DLGAP2: variants seen among roughly 807,000 people sequenced by gnomAD.
DLGAP2 encodes disks large-associated protein 2.
Under a neutral mutation model 100.3 loss-of-function variants are expected in DLGAP2, and 26 were observed. The ratio of observed to expected loss-of-function variants is 0.26; its 90% CI spans 0.19 to 0.36. The LOEUF (loss-of-function observed/expected upper bound fraction) is 0.36, where lower values mean the gene tolerates loss of function less well. Ranked by LOEUF, DLGAP2 falls within the 10% of genes least tolerant of loss-of-function variation. The pLI, the probability that DLGAP2 is intolerant of heterozygous loss-of-function variation, is 1.00. For missense variants in DLGAP2, 1,858 were observed against 1,453.2 expected (o/e 1.28, Z -4.53); for synonymous variants, 886 against 630.1 (o/e 1.41, Z -6.08).
chr8:1,277,731 C>A (rs1585216651), intron 3 of DLGAP2, among the ~76,000 whole-genome samples: 1 of 152,266 alleles, frequency 6.6e-6, no homozygotes, highest in East Asian at 1.9e-4. Flanking sequence ...CAGGAATCAG[C>A]ATACCCACGT....
At chr8:1,141,393 G>A (rs1378586159) in intron 2 of DLGAP2, among the ~76,000 whole-genome samples, 1 of 152,150 alleles carries the variant, frequency 6.6e-6, no homozygotes. Flanking sequence ...AGCATTTCAA[G>A]CATTATTTTA....
At chr8:766,642 T>C (rs1050596477) in intron 1 of DLGAP2, among the ~76,000 whole-genome samples, 4 of 152,318 alleles carry the variant, frequency 2.6e-5, no homozygotes, top group South Asian at 2.1e-4. Flanking sequence ...GGAGTGATCA[T>C]GTCCGTTGAC....
Position 883,995 on chromosome 8 carries a change from A to G in DLGAP2, c.19-23917A>G, listed in dbSNP as rs546554125. On this transcript the variant is annotated intron_variant, in intron 1 of 14. Coordinates refer to ENST00000637795, the MANE Select transcript of DLGAP2 (RefSeq NM_001346810.2). ...TCTTTGCTTTTTATAGCTGCATAGT[A>G]TTCCATGGTGTATATGTACCACATT... is the stretch of plus-strand genomic sequence containing the variant. Among the ~76,000 whole-genome samples the G allele has an allele frequency of 1.1e-4, 17 of 152,326 alleles. 1 individual carries two copies. Among genetic ancestry groups the G allele is most frequent in the African/African-American group, 3.6e-4 (15 of 41,578 alleles).
chr8:1,073,862 G>GT (rs1803508572), intron 2 of DLGAP2, among the ~76,000 whole-genome samples: 1 of 152,208 alleles, frequency 6.6e-6, no homozygotes, highest in Non-Finnish European at 1.5e-5. Context: ...AAGTTCTGAT[G>GT]TTTTTTGTAC....
At chr8:792,200 CTTA>C (rs1429210631) in intron 1 of DLGAP2, among the ~76,000 whole-genome samples, 3 of 152,210 alleles carry the variant, frequency 2.0e-5, no homozygotes, top group Non-Finnish European at 2.9e-5. Flanking sequence ...GTAATCACCA[CTTA>C]TTATTTCATA....
chr8:1,548,841 G>A lies in DLGAP2; in HGVS notation c.388G>A (p.Gly130Arg), dbSNP rs756429260. ...GCTGAGCCCCGCCGACAGCTGCCCCGGGGGGCGCCACCGCTGCTCGCCGCG... is the reference window on the plus strand; with the variant it reads ...GCTGAGCCCCGCCGACAGCTGCCCCAGGGGGCGCCACCGCTGCTCGCCGCG... ...YLLSPADSCP[G>R]GRHRCSPRSS... The change falls in exon 5 of 15, where the codon GGG (glycine) becomes AGG (arginine). Residue 130 changes from glycine (G) to arginine (R), a missense_variant. Physicochemically the swap from Gly to Arg is moderately radical, Grantham distance 125 (BLOSUM62 -2). Transcript: ENST00000637795. 11 of 1,578,290 alleles carry A rather than the reference G, an allele frequency of 7.0e-6. No homozygotes were observed. The highest frequency in any genetic ancestry group is 1.1e-5 in the South Asian group (1 of 88,844).
chr8:1,582,595 C>CT (rs752025121), intron 6 of DLGAP2, among the ~76,000 whole-genome samples: 1 of 151,638 alleles, frequency 6.6e-6, no homozygotes, highest in Admixed American at 6.6e-5. Flanking sequence ...TCGTTCTTTT[C>CT]TTTTCCCCCG....
chr8:1,447,026 T>C (rs1415295763), intron 3 of DLGAP2, among the ~76,000 whole-genome samples: 1 of 152,240 alleles, frequency 6.6e-6, no homozygotes, highest in African/African-American at 2.4e-5. Flanking sequence ...TATACAATGA[T>C]GTCGTCTGCA....
chr8:1,626,847 G>T lies in DLGAP2; in HGVS notation c.1550G>T (p.Arg517Met). Residue 517 changes from arginine to methionine, a missense_variant, in exon 7 of 15, where the codon AGG becomes ATG. Transcript: ENST00000637795. ...KFRSRNQSYM[R>M]AVSTLSQASC... ...CGCTCCCGGAACCAGAGCTACATGA[G>T]GGCCGTCAGCACCCTGAGCCAGGCC... 6.2e-7 allele frequency: 1 copy of T among 1,606,864 alleles called. No individual in the cohort carries two copies. The highest frequency in any genetic ancestry group is 8.5e-7 in the Non-Finnish European group (1 of 1,176,966).
At chr8:1,049,341 A>G (rs1403114016) in intron 2 of DLGAP2, among the ~76,000 whole-genome samples, 2 of 152,146 alleles carry the variant, frequency 1.3e-5, no homozygotes, top group Non-Finnish European at 2.9e-5. Flanking sequence ...GTCTTCGAAG[A>G]CACAGACACC....
At chr8:1,420,194 C>T (rs1027396640) in intron 3 of DLGAP2, among the ~76,000 whole-genome samples, 5 of 152,146 alleles carry the variant, frequency 3.3e-5, no homozygotes, top group Non-Finnish European at 4.4e-5. Context: ...CTGAGGCTCT[C>T]CAGGGTCCAG....
intron 2 of DLGAP2, among the ~76,000 whole-genome samples, chr8:1,212,699 G>C (rs1798130592): frequency 6.6e-6 from 1 of 151,902 alleles, no homozygotes; most frequent in African/African-American, 2.4e-5. Flanking sequence ...GAGTGATTAA[G>C]AAACCTTCTT....
At chr8:850,834 T>C (rs1585930742) in intron 1 of DLGAP2, among the ~76,000 whole-genome samples, 1 of 152,210 alleles carries the variant, frequency 6.6e-6, no homozygotes, top group East Asian at 1.9e-4. Context: ...AAAATTTTTT[T>C]TTTCACTTTA....
intron 1 of DLGAP2, among the ~76,000 whole-genome samples, chr8:770,546 T>A (rs984166949): frequency 6.6e-6 from 1 of 152,242 alleles, no homozygotes; most frequent in Non-Finnish European, 1.5e-5. Flanking sequence ...TCCTCTCAGC[T>A]GATTTCTGTA....
intron 3 of DLGAP2, among the ~76,000 whole-genome samples, chr8:1,453,422 A>T (rs1798217489): frequency 6.6e-6 from 1 of 152,222 alleles, no homozygotes; most frequent in Non-Finnish European, 1.5e-5. Context: ...TAAGTAGGTT[A>T]TTGTTAGGGT....
intron 4 of DLGAP2, among the ~76,000 whole-genome samples, chr8:1,534,618 C>T (rs907503203): frequency 1.3e-5 from 2 of 152,152 alleles, no homozygotes; most frequent in Non-Finnish European, 2.9e-5. Flanking sequence ...AAAATTAGAA[C>T]TTTGATATAT....
intron 6 of DLGAP2, among the ~76,000 whole-genome samples, chr8:1,625,406 A>G (rs916175181): frequency 6.6e-6 from 1 of 152,222 alleles, no homozygotes; most frequent in Non-Finnish European, 1.5e-5. Flanking sequence ...GGGTTCTTCC[A>G]TGCTTTTAAC....
chr8:1,174,007 A>G (rs543366545), intron 2 of DLGAP2, among the ~76,000 whole-genome samples: 6 of 152,100 alleles, frequency 3.9e-5, no homozygotes, highest in Admixed American at 1.3e-4. Context: ...AGCTATTCCT[A>G]TTTGGCCATC....
At chr8:1,272,529 A>AT (rs1390222845) in intron 3 of DLGAP2, among the ~76,000 whole-genome samples, 1 of 152,184 alleles carries the variant, frequency 6.6e-6, no homozygotes, top group Non-Finnish European at 1.5e-5. Flanking sequence ...TCTGTGTTCC[A>AT]TATAAATATA....
Sources: allele counts gnomAD v4.1 joint callset (sites outside exome capture counted in the v4.1 genomes callset), GRCh38; gene constraint gnomAD v4.1.1; transcripts MANE v1.5; gene names NCBI Gene and HGNC (gene_info 2026-07-23, HGNC 2026-07-21).